The following SV2B variants were observed in gnomAD, a reference collection of about 807,000 sequenced individuals.
SV2B encodes the protein synaptic vesicle glycoprotein 2B, also known as solute carrier family 22 member B2.
Under a neutral mutation model 73.9 loss-of-function variants are expected in SV2B, and 41 were observed. The ratio of observed to expected loss-of-function variants is 0.56; its 90% confidence interval spans 0.43 to 0.72. The LOEUF (loss-of-function observed/expected upper bound fraction) is 0.72. Among genes scored for constraint, SV2B ranks in the 30% least tolerant of loss-of-function variants. The probability of loss-of-function intolerance (pLI) is 0.00; values close to 1 mark genes in which losing one functional copy is unlikely to be tolerated. For synonymous variants in SV2B, 314 were observed against 314.2 expected (o/e 1.00, Z 0.01); for missense variants, 764 against 857.8 (o/e 0.89, Z 1.37).
intron 9 of SV2B, among the ~76,000 whole-genome samples, chr15:91,278,729 T>A (rs2048585825): frequency 6.6e-6 from 1 of 151,218 alleles, no homozygotes; most frequent in African/African-American, 2.4e-5. Flanking sequence ...GGCAAGAATT[T>A]GTTTCCTCTT....
Position 91,159,865 on chromosome 15 carries a change from T to C in SV2B, c.-392+59502T>C, listed in dbSNP as rs546722471. The stretch of plus-strand genomic sequence containing the variant: ...ATAATCTAAGTGTCTAAGTGAAAAA[T>C]TATTATAACTAATTAGAAAATTTGT... On this transcript the variant is annotated intron_variant, in intron 1 of 12. Transcript: ENST00000394232. Among the ~76,000 whole-genome samples the C allele has an allele frequency of 1.2e-3, 190 of 152,250 alleles. 3 individuals carry two copies. Among genetic ancestry groups the C allele is most frequent in the Non-Finnish European group, 2.2e-3 (148 of 68,010 alleles).
intron 1 of SV2B, among the ~76,000 whole-genome samples, chr15:91,158,705 TCTCCTCTC>T (rs2043594523): frequency 2.3e-5 from 2 of 85,676 alleles, no homozygotes; most frequent in African/African-American, 9.3e-5. Flanking sequence ...TCTTCTCTCC[TCTCCTCTC>T]CTCTCCTCTC....
intron 1 of SV2B, among the ~76,000 whole-genome samples, chr15:91,176,399 T>A (rs903053514): frequency 4.0e-5 from 6 of 151,482 alleles, no homozygotes; most frequent in African/African-American, 1.5e-4. Context: ...CCTTTGGGTA[T>A]ATACCCCGTA....
Position 91,264,221 on chromosome 15 carries a change from C to T in SV2B, c.1009-2361C>T, listed in dbSNP as rs889330630. On this transcript the variant is annotated intron_variant, in intron 6 of 12. Coordinates refer to ENST00000394232, the MANE Select transcript of SV2B (RefSeq NM_001323032.3). ...CTCCTTCTACACCAACCAAACAGGC[C>T]CCACTGGGAGCCCCATTTTTGGAGA... 3.9e-5 allele frequency among the ~76,000 whole-genome samples: 6 copies of T among 152,358 alleles called. No homozygotes were observed. The East Asian group carries it at 1.2e-3, about 29-fold the overall frequency.
In SV2B at chr15:91,300,494, A is replaced by AACT. The variant is rs1251328377; in HGVS notation, c.*7943_*7945dup. 6.6e-6 allele frequency: 1 copy of AACT among 152,210 alleles called. No individual in the cohort carries two copies. The highest frequency in any genetic ancestry group is 1.5e-5 in the Non-Finnish European group (1 of 68,030). 9.4% of individuals were successfully genotyped at this position (152,210 alleles called of 1,614,324 possible). A position where few individuals can be genotyped will look rare whatever the true frequency, so the allele number is the denominator to read the frequency against. On this transcript the variant is annotated 3_prime_UTR_variant, in exon 13 of 13. Coordinates refer to ENST00000394232, the MANE Select transcript of SV2B (RefSeq NM_001323032.3). ...TCCTCTTCTACTTCAAAGTAGCCAA[A>AACT]ACTTGGAAAGTTCAAATTAATCTTT...
intron 1 of SV2B, among the ~76,000 whole-genome samples, chr15:91,107,568 CCCAAAGTGCTGGGATTACAGGCGTGAG>C (rs2041921946): frequency 1.3e-5 from 2 of 152,020 alleles, no homozygotes; most frequent in Non-Finnish European, 2.9e-5. Context: ...GCCTTGGCCT[CCCAAAGTGCTGGGATTACAGGCGTGAG>C]CCACCGTGCC....
intron 9 of SV2B, among the ~76,000 whole-genome samples, chr15:91,279,523 C>T (rs1049995396): frequency 6.6e-6 from 1 of 152,192 alleles, no homozygotes; most frequent in Non-Finnish European, 1.5e-5. Flanking sequence ...GGCTGGAGAT[C>T]GGAGGAGATG....
rs566672629 is a variant in SV2B, at chr15:91,241,808, A to C, written c.452-10011A>C. ...TTGTAACTCCTCCTCATCAATATTT[A>C]TCTCTCTATGGAATCATTCCCACCA... On this transcript the variant is annotated intron_variant, in intron 2 of 12. Transcript: ENST00000394232. The surrounding 1 kb of genome is among the most constrained non-coding windows in gnomAD (Gnocchi z 4.8). 5.3e-5 allele frequency among the ~76,000 whole-genome samples: 8 copies of C among 151,902 alleles called. No homozygotes were observed. Among genetic ancestry groups the C allele is most frequent in the African/African-American group, 1.9e-4 (8 of 41,334 alleles).
rs1409045504 is a variant in SV2B, at chr15:91,122,213, T to C, written c.-392+21850T>C. ...CTAGAAATGTATTATCTCATCGATA[T>C]ATGTTCCATTAAAGCCAGGGGTGTC... On this transcript the variant is annotated intron_variant, in intron 1 of 12. Coordinates refer to ENST00000394232, the MANE Select transcript of SV2B (RefSeq NM_001323032.3). This position sits in a 1 kb window ranked among gnomAD's most constrained non-coding sequence, Gnocchi z 4.3. Among the ~76,000 whole-genome samples the C allele has an allele frequency of 1.3e-5, 2 of 152,212 alleles. No individual in the cohort carries two copies. The highest frequency in any genetic ancestry group is 4.8e-5 in the African/African-American group (2 of 41,450).
intron 1 of SV2B, among the ~76,000 whole-genome samples, chr15:91,195,331 G>C (rs906844685): frequency 6.6e-6 from 1 of 152,058 alleles, no homozygotes; most frequent in African/African-American, 2.4e-5. Context: ...CTAATTTTTT[G>C]TAACTGTTTG....
At chr15:91,192,322 T>G (rs769280093) in intron 1 of SV2B, among the ~76,000 whole-genome samples, 65 of 152,240 alleles carry the variant, frequency 4.3e-4, no homozygotes, top group Non-Finnish European at 7.2e-4. Context: ...ATTATAAATT[T>G]GGCTGACATA....
rs554252607 is a variant in SV2B, at chr15:91,297,178, T to C, written c.*4626T>C. The stretch of plus-strand genomic sequence containing the variant: ...AGACTCCTTGATTTTTAGTGCAGTT[T>C]CCATCACTGAGGCTGCCTCATGGGC... On this transcript the variant is annotated 3_prime_UTR_variant, in exon 13 of 13. Transcript: ENST00000394232. This position sits in a 1 kb window ranked among gnomAD's most constrained non-coding sequence, Gnocchi z 5.1. The C allele has an allele frequency of 7.4e-4, 113 of 153,160 alleles. 1 individual carries two copies. Among genetic ancestry groups the C allele is most frequent in the Non-Finnish European group, 8.3e-4 (57 of 68,554 alleles). 9.5% of individuals were successfully genotyped at this position (153,160 alleles called of 1,614,324 possible). A position where few individuals can be genotyped will look rare whatever the true frequency, so the allele number is the denominator to read the frequency against.
intron 2 of SV2B, among the ~76,000 whole-genome samples, chr15:91,228,367 A>G (rs8029075): frequency 0.39 from 59,123 of 152,088 alleles, 15,832 homozygotes; most frequent in African/African-American, 0.77. Flanking sequence ...AGTATAAATA[A>G]TAGATTTTTT....
Position 91,227,005 on chromosome 15 carries a change from C to T in SV2B, c.451+291C>T, listed in dbSNP as rs1596627086. ...TTTCTTCTTCATGTTAAACCTTCTTCGATGTCCAAATGACAAATACATTTT... is the reference window on the plus strand; with the variant it reads ...TTTCTTCTTCATGTTAAACCTTCTTTGATGTCCAAATGACAAATACATTTT... On this transcript the variant is annotated intron_variant, in intron 2 of 12. Transcript: ENST00000394232. This position sits in a 1 kb window ranked among gnomAD's most constrained non-coding sequence, Gnocchi z 4.5. 6.6e-6 allele frequency among the ~76,000 whole-genome samples: 1 copy of T among 152,196 alleles called. No individual in the cohort carries two copies. The highest frequency in any genetic ancestry group is 1.9e-4 in the East Asian group (1 of 5,178).
intron 1 of SV2B, among the ~76,000 whole-genome samples, chr15:91,146,048 T>C (rs1276939841): frequency 6.6e-6 from 1 of 152,224 alleles, no homozygotes; most frequent in Non-Finnish European, 1.5e-5. Flanking sequence ...CATCATAGAA[T>C]CTTTGCCCAT....
chr15:91,276,991 T>G (rs1419785361), intron 9 of SV2B, among the ~76,000 whole-genome samples: 1 of 152,232 alleles, frequency 6.6e-6, no homozygotes, highest in Non-Finnish European at 1.5e-5. Context: ...TGGCTAATTT[T>G]TTGTATTTTT....
intron 9 of SV2B, among the ~76,000 whole-genome samples, chr15:91,276,323 A>G (rs1026969782): frequency 3.3e-5 from 5 of 151,466 alleles, no homozygotes; most frequent in Non-Finnish European, 7.4e-5. Flanking sequence ...TACTCTATTG[A>G]GGTTCTATAA....
rs532820444 is a variant in SV2B, at chr15:91,229,265, C to A, written c.451+2551C>A. Among the ~76,000 whole-genome samples the A allele has an allele frequency of 6.6e-6, 1 of 151,878 alleles. No individual in the cohort carries two copies. The highest frequency in any genetic ancestry group is 1.5e-5 in the Non-Finnish European group (1 of 67,990). ...CGACTGGGTACGTCCTACATGTCAT[C>A]GATCTGCTAGTGACCTTGGGCAAGT... On this transcript the variant is annotated intron_variant, in intron 2 of 12. Transcript: ENST00000394232. This position sits in a 1 kb window ranked among gnomAD's most constrained non-coding sequence, Gnocchi z 4.3.
intron 1 of SV2B, among the ~76,000 whole-genome samples, chr15:91,166,333 C>G (rs935189822): frequency 7.2e-5 from 11 of 152,058 alleles, no homozygotes; most frequent in African/African-American, 2.7e-4. Context: ...TGTAATTACA[C>G]TGCATATAAT....
Sources: gnomAD v4.1 joint callset for allele counts (sites outside exome capture counted in the v4.1 genomes callset) on GRCh38, gnomAD v4.1.1 for gene constraint, Gnocchi (gnomAD v3.1) non-coding constraint, MANE v1.5 for transcripts, NCBI Gene and HGNC (gene_info 2026-07-23, HGNC 2026-07-21) for gene names.